Variants in RUNX1 observed in about 807,000 individuals in gnomAD.
RUNX1 encodes the protein RUNX family transcription factor 1.
A neutral mutation model predicts 42.8 loss-of-function variants in RUNX1; 19 were observed. That is an observed-to-expected ratio of 0.44 (90% CI 0.31 to 0.65). The LOEUF (loss-of-function observed/expected upper bound fraction) is 0.65, where lower values mean the gene tolerates loss of function less well. Among genes scored for constraint, RUNX1 ranks in the 30% least tolerant of loss-of-function variants. The pLI is 0.07. For synonymous variants in RUNX1, 271 were observed against 289.4 expected (o/e 0.94, Z 0.64); for missense variants, 528 against 672.0 (o/e 0.79, Z 2.37).
intron 4 of RUNX1, among the ~76,000 whole-genome samples, chr21:34,885,372 A>G (rs2146395642): frequency 6.6e-6 from 1 of 152,334 alleles, no homozygotes; most frequent in East Asian, 1.9e-4. Flanking sequence ...AGAATGATTT[A>G]AAAGTAAAAT....
At chr21:34,803,502 G>A (rs570375796) in intron 7 of RUNX1, among the ~76,000 whole-genome samples, 6 of 151,844 alleles carry the variant, frequency 4.0e-5, no homozygotes, top group African/African-American at 9.7e-5. Context: ...AGCCAAGATC[G>A]TGCCACTGCA....
intron 8 of RUNX1, among the ~76,000 whole-genome samples, chr21:34,796,239 A>G (rs1447101298): frequency 6.6e-6 from 1 of 152,254 alleles, no homozygotes; most frequent in Non-Finnish European, 1.5e-5. Context: ...CTATGTACAC[A>G]TGAGCAACGT....
In RUNX1 at chr21:34,790,419, G is replaced by A. The variant is rs1376926614; in HGVS notation, c.*1716C>T. On this transcript the variant is annotated 3_prime_UTR_variant, in exon 9 of 9. Coordinates refer to ENST00000675419, the MANE Select transcript of RUNX1 (RefSeq NM_001754.5). ...CGTTTCAACGAATTTTAAGAGGTACGTTAAATAACCACCAGATCATTTGGA... is the reference window on the plus strand; with the variant it reads ...CGTTTCAACGAATTTTAAGAGGTACATTAAATAACCACCAGATCATTTGGA... 2.6e-5 allele frequency: 6 copies of A among 233,584 alleles called. No homozygotes were observed. The highest frequency in any genetic ancestry group is 1.8e-4 in the South Asian group (1 of 5,526). 14.5% of individuals were successfully genotyped at this position (233,584 alleles called of 1,614,324 possible).
chr21:34,824,949 G>T (rs1006147307), intron 7 of RUNX1, among the ~76,000 whole-genome samples: 2 of 152,162 alleles, frequency 1.3e-5, no homozygotes, highest in African/African-American at 4.8e-5. Flanking sequence ...TTTCATATTA[G>T]CATATATTGT....
intron 4 of RUNX1, among the ~76,000 whole-genome samples, chr21:34,884,604 A>G (rs1170506781): frequency 1.3e-5 from 2 of 152,230 alleles, no homozygotes; most frequent in Non-Finnish European, 2.9e-5. Context: ...CCCGGGATGT[A>G]GGCAGGTTTT....
chr21:34,873,005 G>A (rs1480063629), intron 5 of RUNX1, among the ~76,000 whole-genome samples: 3 of 152,180 alleles, frequency 2.0e-5, no homozygotes, highest in Non-Finnish European at 2.9e-5. Flanking sequence ...ATTTGTCCTA[G>A]GTACTAGAGA....
At chr21:35,001,090 C>G (rs957001515) in intron 2 of RUNX1, among the ~76,000 whole-genome samples, 10 of 152,174 alleles carry the variant, frequency 6.6e-5, no homozygotes, top group Admixed American at 3.3e-4. Context: ...CTCCATCTAC[C>G]AGTCATCGAC....
intron 2 of RUNX1, among the ~76,000 whole-genome samples, chr21:34,920,075 G>A (rs572504092): frequency 8.5e-5 from 13 of 152,176 alleles, no homozygotes; most frequent in Non-Finnish European, 1.5e-4. Flanking sequence ...CATGTGTGGT[G>A]TGTGGACATA....
chr21:35,024,360 C>T (rs185540971), intron 2 of RUNX1, among the ~76,000 whole-genome samples: 1 of 152,338 alleles, frequency 6.6e-6, no homozygotes, highest in East Asian at 1.9e-4. Flanking sequence ...CCATGCCAAT[C>T]TACTGAGACT....
intron 2 of RUNX1, among the ~76,000 whole-genome samples, chr21:34,899,301 T>A (rs115590950): frequency 1.3e-5 from 2 of 152,304 alleles, no homozygotes; most frequent in African/African-American, 4.8e-5. Flanking sequence ...TATGTGCTGC[T>A]ATGAGTAGGA....
chr21:34,895,291 G>T (rs1457390619), intron 2 of RUNX1, among the ~76,000 whole-genome samples: 1 of 152,172 alleles, frequency 6.6e-6, no homozygotes, highest in Non-Finnish European at 1.5e-5. Context: ...CTAGATACAA[G>T]GTATTTGATT....
At chr21:35,043,351 C>A (rs529724407) in intron 2 of RUNX1, among the ~76,000 whole-genome samples, 1 of 151,926 alleles carries the variant, frequency 6.6e-6, no homozygotes, top group Non-Finnish European at 1.5e-5. Flanking sequence ...CAGGGGAGGC[C>A]GAGAAACAAG....
intron 6 of RUNX1, among the ~76,000 whole-genome samples, chr21:34,852,938 T>C (rs988333978): frequency 6.6e-6 from 1 of 152,188 alleles, no homozygotes; most frequent in East Asian, 1.9e-4. Flanking sequence ...CCATCTGACA[T>C]TTTCATAATC....
intron 2 of RUNX1, among the ~76,000 whole-genome samples, chr21:34,931,709 A>G (rs1390790223): frequency 2.0e-5 from 3 of 151,332 alleles, no homozygotes; most frequent in Non-Finnish European, 4.4e-5. Flanking sequence ...AACTGAGCAC[A>G]GCAAGAATGA....
Position 34,799,280 on chromosome 21 carries a change from ATG to A in RUNX1, c.967+19_967+20del. On this transcript the variant is annotated intron_variant, in intron 8 of 8. Coordinates refer to ENST00000675419, the MANE Select transcript of RUNX1 (RefSeq NM_001754.5). The stretch of plus-strand genomic sequence containing the variant: ...TTCCACCCCAGCTCAGCTGCAAAGA[ATG>A]TGTTTTCAAGTGGCTTACTTGAGAG... 2.5e-6 allele frequency: 4 copies of A among 1,613,862 alleles called. No individual in the cohort carries two copies. Among genetic ancestry groups the A allele is most frequent in the Admixed American group, 1.7e-5 (1 of 60,020 alleles).
intron 2 of RUNX1, among the ~76,000 whole-genome samples, chr21:34,944,810 A>G (rs960440656): frequency 2.0e-5 from 3 of 152,218 alleles, no homozygotes; most frequent in Non-Finnish European, 4.4e-5. Flanking sequence ...TGAGAGACAG[A>G]TAGTATAATA....
chr21:35,036,616 A>G (rs2834739), intron 2 of RUNX1, among the ~76,000 whole-genome samples: 94,965 of 152,126 alleles, frequency 0.62, 32,232 homozygotes, highest in African/African-American at 0.88. Flanking sequence ...AAAAGGAATT[A>G]TCATGATGTC....
intron 6 of RUNX1, among the ~76,000 whole-genome samples, chr21:34,852,168 A>AG (rs2057429861): frequency 7.1e-6 from 1 of 141,580 alleles, no homozygotes; most frequent in African/African-American, 2.5e-5. Flanking sequence ...ACTCTGTCTC[A>AG]AAAAACAAAA....
At chr21:35,029,444 C>A (rs1254782363) in intron 2 of RUNX1, among the ~76,000 whole-genome samples, 1 of 152,150 alleles carries the variant, frequency 6.6e-6, no homozygotes, top group Non-Finnish European at 1.5e-5. Context: ...ACAGAGCCAG[C>A]ATAACAATGT....
Sources: allele counts gnomAD v4.1 joint callset (sites outside exome capture counted in the v4.1 genomes callset), GRCh38; gene constraint gnomAD v4.1.1; transcripts MANE v1.5; gene names NCBI Gene and HGNC (gene_info 2026-07-23, HGNC 2026-07-21).